CHSY3: variants seen among roughly 807,000 people sequenced by gnomAD.
CHSY3 encodes the protein N-acetylgalactosaminyl-proteoglycan 3-beta-glucuronosyltransferase 3.
Under a neutral mutation model 67.2 loss-of-function variants are expected in CHSY3, and 35 were observed. That is an observed-to-expected ratio of 0.52 (90% CI 0.40 to 0.69). The LOEUF (loss-of-function observed/expected upper bound fraction) is 0.69. Ranked by LOEUF, CHSY3 falls within the 30% of genes least tolerant of loss-of-function variation. The probability of loss-of-function intolerance (pLI) is 0.00; values close to 1 mark genes in which losing one functional copy is unlikely to be tolerated. For missense variants in CHSY3, 1,069 were observed against 1,138.5 expected (o/e 0.94, Z 0.88); for synonymous variants, 474 against 434.7 (o/e 1.09, Z -1.12).
At chr5:130,038,838 AGC>A (rs1405623693) in intron 2 of CHSY3, among the ~76,000 whole-genome samples, 1 of 152,062 alleles carries the variant, frequency 6.6e-6, no homozygotes, top group Non-Finnish European at 1.5e-5. Flanking sequence ...TTATAAATAA[AGC>A]CATCAGGAAG....
intron 2 of CHSY3, among the ~76,000 whole-genome samples, chr5:129,970,137 C>T (rs962969751): frequency 4.0e-5 from 6 of 150,710 alleles, no homozygotes; most frequent in African/African-American, 7.3e-5. Context: ...TAGATCTCCA[C>T]GTCAGCCTTT....
chr5:130,047,790 A>C (rs980341590), intron 2 of CHSY3, among the ~76,000 whole-genome samples: 18 of 152,072 alleles, frequency 1.2e-4, no homozygotes, highest in African/African-American at 4.3e-4. Flanking sequence ...TAATCAAATC[A>C]AATACTATCA....
chr5:129,997,193 C>A lies in CHSY3; in HGVS notation c.1086+88833C>A, dbSNP rs565740776. Among the ~76,000 whole-genome samples the A allele has an allele frequency of 1.3e-4, 19 of 151,388 alleles. No homozygotes were observed. The East Asian group carries it at 3.7e-3, about 29-fold the overall frequency. On this transcript the variant is annotated intron_variant, in intron 2 of 2. Coordinates refer to ENST00000305031, the MANE Select transcript of CHSY3 (RefSeq NM_175856.5). ...ACTTTTTTAAACAAATTAAGTAAAA[C>A]CAGGTTAGGTCATTTTCTGCACTTT...
intron 2 of CHSY3, among the ~76,000 whole-genome samples, chr5:129,988,329 C>G (rs1156344105): frequency 6.6e-6 from 1 of 152,184 alleles, no homozygotes; most frequent in Non-Finnish European, 1.5e-5. Context: ...GCTCATTCAT[C>G]TAAAAAGTTA....
chr5:130,183,543 T>G (rs1770312322), intron 2 of CHSY3, among the ~76,000 whole-genome samples: 1 of 152,218 alleles, frequency 6.6e-6, no homozygotes, highest in African/African-American at 2.4e-5. Context: ...GGAAGACTCA[T>G]GCTGTGTCCA....
intron 2 of CHSY3, among the ~76,000 whole-genome samples, chr5:130,151,002 T>G (rs1307618030): frequency 6.6e-6 from 1 of 152,216 alleles, no homozygotes; most frequent in Non-Finnish European, 1.5e-5. Context: ...CCAAGTTTGT[T>G]TCAAAGCATG....
intron 2 of CHSY3, among the ~76,000 whole-genome samples, chr5:129,985,754 T>C (rs1763181025): frequency 6.6e-6 from 1 of 152,198 alleles, no homozygotes; most frequent in African/African-American, 2.4e-5. Flanking sequence ...CCTGGTTAGC[T>C]CTATTCCTAG....
chr5:130,185,850 G>T lies in CHSY3; in HGVS notation c.*59G>T. ...GGAGTTTACCTCATTGTTGGTTGTTGTTATTTTTATTGTATTATTGTTATT... is the reference window on the plus strand; with the variant it reads ...GGAGTTTACCTCATTGTTGGTTGTTTTTATTTTTATTGTATTATTGTTATT... On this transcript the variant is annotated 3_prime_UTR_variant, in exon 3 of 3. Transcript: ENST00000305031. 1.9e-6 allele frequency: 2 copies of T among 1,067,066 alleles called. No homozygotes were observed. Among genetic ancestry groups the T allele is most frequent in the South Asian group, 2.3e-5 (1 of 43,760 alleles). 66.1% of individuals were successfully genotyped at this position (1,067,066 alleles called of 1,614,324 possible).
Position 129,987,578 on chromosome 5 carries a change from A to G in CHSY3, c.1086+79218A>G, listed in dbSNP as rs373759245. Among the ~76,000 whole-genome samples the G allele has an allele frequency of 1.8e-4, 27 of 152,286 alleles. No homozygotes were observed. The East Asian group carries it at 3.1e-3, about 17-fold the overall frequency. The stretch of plus-strand genomic sequence containing the variant: ...ACTCATGCTTAAAGGAATGACTTCT[A>G]CAGGGTGATATGATCTCATTCAGAG... On this transcript the variant is annotated intron_variant, in intron 2 of 2. Transcript: ENST00000305031.
intron 2 of CHSY3, among the ~76,000 whole-genome samples, chr5:130,156,534 T>C (rs1769378782): frequency 1.3e-5 from 2 of 152,322 alleles, no homozygotes; most frequent in African/African-American, 4.8e-5. Context: ...GTGATTTGAA[T>C]GAAGGACTAT....
rs1314256152 is a variant in CHSY3, at chr5:129,994,329, C to T, written c.1086+85969C>T. 2.0e-5 allele frequency among the ~76,000 whole-genome samples: 3 copies of T among 152,196 alleles called. No individual in the cohort carries two copies. In the East Asian group the frequency reaches 5.8e-4, roughly 29 times the overall value. On this transcript the variant is annotated intron_variant, in intron 2 of 2. Transcript: ENST00000305031. ...TGTTTTCCAACTTGGTTCCATTCTC[C>T]CTGTCACTTTCAGGTACACCAATCA...
intron 2 of CHSY3, among the ~76,000 whole-genome samples, chr5:130,115,143 C>A (rs1767748679): frequency 6.6e-6 from 1 of 151,530 alleles, no homozygotes; most frequent in Non-Finnish European, 1.5e-5. Context: ...AAATCTTCCA[C>A]AATGAGATTG....
chr5:130,012,545 T>C lies in CHSY3; in HGVS notation c.1086+104185T>C, dbSNP rs567034951. 1.6e-3 allele frequency among the ~76,000 whole-genome samples: 239 copies of C among 152,254 alleles called. 1 individual carries two copies. Among genetic ancestry groups the C allele is most frequent in the African/African-American group, 5.6e-3 (233 of 41,548 alleles). On this transcript the variant is annotated intron_variant, in intron 2 of 2. Coordinates refer to ENST00000305031, the MANE Select transcript of CHSY3 (RefSeq NM_175856.5). ...GGAGACCTCAGGAAACTTACAATCA[T>C]GGTGGAAGGCACCTCTTCACAGGGC... is the stretch of plus-strand genomic sequence containing the variant.
At chr5:130,130,738 T>C (rs1379880685) in intron 2 of CHSY3, among the ~76,000 whole-genome samples, 2 of 152,212 alleles carry the variant, frequency 1.3e-5, no homozygotes, top group Non-Finnish European at 2.9e-5. Context: ...CCTTTCATGT[T>C]CCATACTGCC....
rs368706513 is a variant in CHSY3, at chr5:130,059,388, C to CCT, written c.1087-124823_1087-124822dup. On this transcript the variant is annotated intron_variant, in intron 2 of 2. Coordinates refer to ENST00000305031, the MANE Select transcript of CHSY3 (RefSeq NM_175856.5). ...CCAGTCTTTCTCTGTTCTCTCTCTA[C>CCT]CTCTCTCTCTCTCTCTCTCGCTCTT... 7.0e-3 allele frequency among the ~76,000 whole-genome samples: 1,012 copies of CCT among 144,222 alleles called. 11 individuals are homozygous for CCT. Among genetic ancestry groups the CCT allele is most frequent in the African/African-American group, 0.02 (742 of 37,246 alleles). The allele number at this position is 144,222 out of a possible 152,430, so 94.6% of individuals were successfully genotyped here.
intron 2 of CHSY3, among the ~76,000 whole-genome samples, chr5:129,937,235 T>C (rs1761526635): frequency 6.6e-6 from 1 of 152,202 alleles, no homozygotes; most frequent in Non-Finnish European, 1.5e-5. Context: ...GGAAACTTTA[T>C]GGTGGAAGGT....
At chr5:130,125,416 C>CAGATAGATAGATATATAGAT (rs376939367) in intron 2 of CHSY3, among the ~76,000 whole-genome samples, 16 of 140,992 alleles carry the variant, frequency 1.1e-4, no homozygotes, top group African/African-American at 4.4e-4. Context: ...GATCCTGTCT[C>CAGATAGATAGATATATAGAT]AGATAGATAG....
At chr5:130,092,281 A>G (rs1447364805) in intron 2 of CHSY3, among the ~76,000 whole-genome samples, 1 of 152,168 alleles carries the variant, frequency 6.6e-6, no homozygotes, top group Non-Finnish European at 1.5e-5. Context: ...CACTGTGGAA[A>G]AGGGTTTAGT....
At chr5:129,917,757 A>G (rs916822298) in intron 2 of CHSY3, among the ~76,000 whole-genome samples, 4 of 152,208 alleles carry the variant, frequency 2.6e-5, no homozygotes, top group Non-Finnish European at 5.9e-5. Flanking sequence ...GTGTTCATTC[A>G]GAGTGGTTCC....
Sources: allele counts gnomAD v4.1 joint callset (sites outside exome capture counted in the v4.1 genomes callset), GRCh38; gene constraint gnomAD v4.1.1; transcripts MANE v1.5; gene names NCBI Gene and HGNC (gene_info 2026-07-23, HGNC 2026-07-21).